Variants in NRXN1 observed in about 807,000 individuals in gnomAD.
NRXN1 encodes neurexin-1.
NRXN1 carries 39 observed loss-of-function variants against 150.9 expected under a neutral mutation model. The ratio of observed to expected loss-of-function variants is 0.26; its 90% confidence interval spans 0.20 to 0.34. The LOEUF (loss-of-function observed/expected upper bound fraction) is 0.34. Ranked by LOEUF, NRXN1 falls within the 10% of genes least tolerant of loss-of-function variation. The pLI is 1.00. For missense variants in NRXN1, 1,815 were observed against 1,949.9 expected (o/e 0.93, Z 1.30); for synonymous variants, 924 against 757.0 (o/e 1.22, Z -3.62).
At chr2:50,302,502 T>C (rs772301353) in intron 17 of NRXN1, among the ~76,000 whole-genome samples, 2 of 152,196 alleles carry the variant, frequency 1.3e-5, no homozygotes, top group Non-Finnish European at 2.9e-5. Context: ...AATGCCTTGA[T>C]TGACAATTAA....
At chr2:50,812,501 T>C (rs1668356698) in intron 5 of NRXN1, among the ~76,000 whole-genome samples, 1 of 152,134 alleles carries the variant, frequency 6.6e-6, no homozygotes, top group Non-Finnish European at 1.5e-5. Context: ...GTCAATGTCT[T>C]AGTAAACAGG....
chr2:50,501,007 G>T (rs961834011), intron 13 of NRXN1, among the ~76,000 whole-genome samples: 2 of 152,132 alleles, frequency 1.3e-5, no homozygotes, highest in African/African-American at 4.8e-5. Context: ...AAGAGGTTAA[G>T]GTTGTAATTA....
intron 5 of NRXN1, among the ~76,000 whole-genome samples, chr2:50,627,357 ATGTGTGTGTGTGTGTGTG>A (rs34870955): frequency 7.0e-6 from 1 of 143,514 alleles, no homozygotes; most frequent in Admixed American, 7.0e-5. Context: ...TGGTTCATGT[ATGTGTGTGTGTGTGTGTG>A]TGTGTGTGTG....
intron 18 of NRXN1, chr2:50,199,149 C>A (rs1009322693): frequency 1.3e-5 from 2 of 152,100 alleles, no homozygotes; most frequent in Non-Finnish European, 2.9e-5. Flanking sequence ...TTTGAAAGGA[C>A]AATTTTATTT....
intron 17 of NRXN1, among the ~76,000 whole-genome samples, chr2:50,297,620 A>T (rs1239055219): frequency 6.6e-6 from 1 of 152,196 alleles, no homozygotes; most frequent in African/African-American, 2.4e-5. Flanking sequence ...ATAATATTTC[A>T]CAACAGAAGT....
chr2:50,793,168 G>A (rs1359136034), intron 5 of NRXN1, among the ~76,000 whole-genome samples: 1 of 152,114 alleles, frequency 6.6e-6, no homozygotes, highest in African/African-American at 2.4e-5. Flanking sequence ...TCCAATCTAT[G>A]ATAAAAGCAT....
Position 50,054,965 on chromosome 2 carries a change from T to C in NRXN1, c.3798A>G (p.Leu1266=). 6.4e-7 allele frequency: 1 copy of C among 1,572,218 alleles called. No individual in the cohort carries two copies. The highest frequency in any genetic ancestry group is 8.6e-7 in the Non-Finnish European group (1 of 1,161,238). Reference sequence around the variant, plus strand: ...ATCAATGTTTTTTACCTTTGTCGAGTAGCCATTCATCAACTACTCGACCAA... The same window carrying C: ...ATCAATGTTTTTTACCTTTGTCGAGCAGCCATTCATCAACTACTCGACCAA... ...YRLGRVVDEW[L]LDKGRQLTIF... is the part of the protein sequence containing the mutation. Residue 1266 remains leucine (L), a synonymous_variant, in exon 20 of 23, where the codon CTA becomes CTG. Transcript: ENST00000401669.
intron 18 of NRXN1, among the ~76,000 whole-genome samples, chr2:50,103,029 A>G (rs772926608): frequency 2.0e-5 from 3 of 152,124 alleles, no homozygotes; most frequent in Admixed American, 6.6e-5. Flanking sequence ...AGAACAGAAA[A>G]TTGTTGAATA....
chr2:50,471,575 G>T (rs2104699409), intron 16 of NRXN1, among the ~76,000 whole-genome samples: 1 of 151,888 alleles, frequency 6.6e-6, no homozygotes, highest in African/African-American at 2.4e-5. Context: ...TATGTTTGCA[G>T]ATGTCTTTCT....
At chr2:50,137,946 A>T (rs1343542300) in intron 18 of NRXN1, among the ~76,000 whole-genome samples, 1 of 152,186 alleles carries the variant, frequency 6.6e-6, no homozygotes, top group African/African-American at 2.4e-5. Flanking sequence ...AAAATGAGAC[A>T]TTTTACTTTG....
intron 21 of NRXN1, among the ~76,000 whole-genome samples, chr2:49,997,162 G>A (rs2152528161): frequency 6.6e-6 from 1 of 152,082 alleles, no homozygotes; most frequent in African/African-American, 2.4e-5. Context: ...CACGGTGGGT[G>A]GACAGTTGGA....
At chr2:50,291,495 G>A (rs1395013342) in intron 17 of NRXN1, among the ~76,000 whole-genome samples, 1 of 152,080 alleles carries the variant, frequency 6.6e-6, no homozygotes, top group Non-Finnish European at 1.5e-5. Context: ...CAGTGCATTT[G>A]CAACCCATGA....
intron 17 of NRXN1, among the ~76,000 whole-genome samples, chr2:50,348,839 T>TC (rs934465015): frequency 1.4e-5 from 2 of 144,592 alleles, no homozygotes; most frequent in African/African-American, 5.4e-5. Flanking sequence ...TGGCTGGACT[T>TC]TTTTTTTTTT....
intron 18 of NRXN1, among the ~76,000 whole-genome samples, chr2:50,093,979 C>T (rs895156124): frequency 6.6e-6 from 1 of 152,176 alleles, no homozygotes; most frequent in Non-Finnish European, 1.5e-5. Context: ...GTAAATCTAG[C>T]TGTTTTTACT....
At chr2:50,866,135 T>C (rs1013302843) in intron 5 of NRXN1, among the ~76,000 whole-genome samples, 1 of 151,866 alleles carries the variant, frequency 6.6e-6, no homozygotes, top group Non-Finnish European at 1.5e-5. Context: ...ATTTAATATG[T>C]AAATGAAATA....
chr2:50,513,609 T>G (rs570868509), intron 12 of NRXN1, among the ~76,000 whole-genome samples: 1 of 152,330 alleles, frequency 6.6e-6, no homozygotes, highest in Non-Finnish European at 1.5e-5. Flanking sequence ...GGATGCTTTT[T>G]GCTACAAAGC....
chr2:50,156,979 G>A (rs2059060338), intron 18 of NRXN1, among the ~76,000 whole-genome samples: 1 of 151,874 alleles, frequency 6.6e-6, no homozygotes, highest in Non-Finnish European at 1.5e-5. Flanking sequence ...TATGTCCCTG[G>A]GGCTGTACTA....
intron 18 of NRXN1, among the ~76,000 whole-genome samples, chr2:50,133,584 A>C (rs1705901190): frequency 6.6e-6 from 1 of 152,168 alleles, no homozygotes; most frequent in East Asian, 1.9e-4. Context: ...CAACTCAAGA[A>C]AAAAATTAGT....
chr2:50,695,259 T>C (rs1183799408), intron 5 of NRXN1, among the ~76,000 whole-genome samples: 1 of 152,184 alleles, frequency 6.6e-6, no homozygotes, highest in African/African-American at 2.4e-5. Flanking sequence ...ATTTTAATTG[T>C]ATTATTTACC....
Sources: allele counts gnomAD v4.1 joint callset (sites outside exome capture counted in the v4.1 genomes callset), GRCh38; gene constraint gnomAD v4.1.1; transcripts MANE v1.5; gene names NCBI Gene and HGNC (gene_info 2026-07-23, HGNC 2026-07-21).